Variants in PCDH15 observed in about 807,000 individuals in gnomAD.
The protein encoded by PCDH15 is protocadherin related 15, also known as protocadherin-15.
In PCDH15, 129 loss-of-function variants were observed where a neutral mutation model predicts 178.5. That is an observed-to-expected ratio of 0.72 (90% CI 0.63 to 0.84). The LOEUF (loss-of-function observed/expected upper bound fraction) is 0.84, where lower values mean the gene tolerates loss of function less well. PCDH15 is among the 40% of genes least tolerant of loss of function. PCDH15 has a pLI of 0.00. For missense variants in PCDH15, 2,230 were observed against 2,099.9 expected, an observed-to-expected ratio of 1.06 and a Z score of -1.21; for synonymous variants, 800 against 732.0, an observed-to-expected ratio of 1.09 and a Z score of -1.50.
chr10:55,548,412 T>G (rs1026522754), intron 2 of PCDH15, among the ~76,000 whole-genome samples: 2 of 152,066 alleles, frequency 1.3e-5, no homozygotes, highest in African/African-American at 4.8e-5. Flanking sequence ...CCCAAGGAAT[T>G]TGAGTTCTAT....
intron 2 of PCDH15, among the ~76,000 whole-genome samples, chr10:54,926,927 A>T (rs1706757): frequency 0.13 from 20,339 of 151,638 alleles, 1,546 homozygotes; most frequent in East Asian, 0.23. Context: ...ATTTTTTAAA[A>T]TTTTTTTTTA....
intron 2 of PCDH15, among the ~76,000 whole-genome samples, chr10:54,897,853 G>A (rs980996654): frequency 1.3e-5 from 2 of 151,936 alleles, no homozygotes; most frequent in African/African-American, 4.8e-5. Context: ...GATTTGATAT[G>A]CTAGATATTT....
At chr10:54,211,809 A>T (rs2051471094) in intron 10 of PCDH15, among the ~76,000 whole-genome samples, 1 of 152,118 alleles carries the variant, frequency 6.6e-6, no homozygotes, top group Admixed American at 6.6e-5. Context: ...AGATTGTAGC[A>T]TTTCAATGGT....
chr10:54,380,659 A>C (rs61855475), intron 3 of PCDH15, among the ~76,000 whole-genome samples: 2 of 71,258 alleles, frequency 2.8e-5, no homozygotes, highest in Non-Finnish European at 5.9e-5. Context: ...ATATATATAT[A>C]TATATATATA....
chr10:54,367,758 T>G (rs1947025345), intron 5 of PCDH15, among the ~76,000 whole-genome samples: 1 of 151,830 alleles, frequency 6.6e-6, no homozygotes, highest in African/African-American at 2.4e-5. Context: ...TATACCTATG[T>G]AACAAACCTG....
At chr10:54,128,355 T>G (rs370986023) in intron 15 of PCDH15, among the ~76,000 whole-genome samples, 1 of 152,198 alleles carries the variant, frequency 6.6e-6, no homozygotes, top group Non-Finnish European at 1.5e-5. Flanking sequence ...CAGGCAGGAC[T>G]GATCTCACCT....
intron 2 of PCDH15, among the ~76,000 whole-genome samples, chr10:55,381,548 A>C (rs1285176741): frequency 6.6e-6 from 1 of 152,138 alleles, no homozygotes; most frequent in African/African-American, 2.4e-5. Context: ...TTAAGTCTTT[A>C]TAATTCTACA....
chr10:53,911,697 T>A (rs1338344289), intron 25 of PCDH15, among the ~76,000 whole-genome samples: 1 of 152,114 alleles, frequency 6.6e-6, no homozygotes, highest in Non-Finnish European at 1.5e-5. Context: ...ATTGATAGAC[T>A]GCTAGCAAGA....
chr10:54,185,044 AG>A, intron 12 of PCDH15, 89 bp downstream of exon 12: 1 of 1,469,656 alleles, frequency 6.8e-7, no homozygotes, highest in Non-Finnish European at 9.4e-7. Context: ...TGATTTTTTC[AG>A]TTTTAACCAG....
At chr10:54,528,354 A>T in intron 2 of PCDH15, 2 of 1,541,692 alleles carry the variant, frequency 1.3e-6, no homozygotes, top group Non-Finnish European at 1.8e-6. Context: ...AATGCTCATG[A>T]GGTTGTTTGG....
At chr10:55,058,222 T>C (rs1841351484) in intron 2 of PCDH15, among the ~76,000 whole-genome samples, 2 of 152,172 alleles carry the variant, frequency 1.3e-5, no homozygotes, top group Admixed American at 1.3e-4. Context: ...TTTATTTTAC[T>C]TTATTTGAGA....
At chr10:54,166,583 T>C (rs2046252071) in intron 13 of PCDH15, among the ~76,000 whole-genome samples, 1 of 152,206 alleles carries the variant, frequency 6.6e-6, no homozygotes, top group Non-Finnish European at 1.5e-5. Flanking sequence ...TATTTAAATG[T>C]TTGTTTTTTC....
chr10:54,821,456 A>ATCTT lies in PCDH15; in HGVS notation c.-29+75993_-29+75994insAAGA, dbSNP rs147827990. 3.7e-3 allele frequency among the ~76,000 whole-genome samples: 559 copies of ATCTT among 152,246 alleles called. 1 individual carries two copies. The highest frequency in any genetic ancestry group is 0.013 in the African/African-American group (537 of 41,572). On this transcript the variant is annotated intron_variant, in intron 3 of 5. Transcript: ENST00000458638. The stretch of plus-strand genomic sequence containing the variant: ...AATGTAAAATTAGAAGTAAAAGTGA[A>ATCTT]TATTTAAAATAAGAAAACAAATCAT...
At chr10:55,095,007 A>C (rs1007742131) in intron 2 of PCDH15, among the ~76,000 whole-genome samples, 1 of 150,034 alleles carries the variant, frequency 6.7e-6, no homozygotes, top group Non-Finnish European at 1.5e-5. Flanking sequence ...CTGCAGCCTC[A>C]ACCACCCTGG....
At chr10:53,885,595 A>C (rs2081035239) in intron 26 of PCDH15, among the ~76,000 whole-genome samples, 1 of 152,130 alleles carries the variant, frequency 6.6e-6, no homozygotes, top group Non-Finnish European at 1.5e-5. Flanking sequence ...CAAGCTACAG[A>C]TAACCATTGA....
chr10:55,348,503 C>A (rs1308771182), intron 2 of PCDH15, among the ~76,000 whole-genome samples: 1 of 152,068 alleles, frequency 6.6e-6, no homozygotes, highest in Non-Finnish European at 1.5e-5. Context: ...AGAAAACAAA[C>A]CCCTGCTCAC....
chr10:54,577,851 TGA>T (rs1491353718), intron 2 of PCDH15, among the ~76,000 whole-genome samples: 2 of 7,362 alleles, frequency 2.7e-4, no homozygotes, highest in Admixed American at 2.8e-3. Flanking sequence ...CCTAAATAAA[TGA>T]ATAAATAAAT....
At chr10:55,456,927 C>T (rs1271356680) in intron 2 of PCDH15, among the ~76,000 whole-genome samples, 1 of 152,022 alleles carries the variant, frequency 6.6e-6, no homozygotes, top group African/African-American at 2.4e-5. Context: ...AGAAAGAATG[C>T]TATATTTTCT....
chr10:54,653,534 A>G lies in PCDH15; in HGVS notation c.91+10638T>C, dbSNP rs16906362. Reference sequence around the variant, plus strand: ...GGCTGTTGAGGATATTTTAAAACTTAGGTAATGACTTCTGCTATTGTATAC... The same window carrying G: ...GGCTGTTGAGGATATTTTAAAACTTGGGTAATGACTTCTGCTATTGTATAC... On this transcript the variant is annotated intron_variant, in intron 2 of 37. Coordinates refer to ENST00000644397, the MANE Select transcript of PCDH15 (RefSeq NM_001384140.1). Among the ~76,000 whole-genome samples the G allele has an allele frequency of 2.3e-3, 356 of 152,284 alleles. 1 individual carries two copies. Among genetic ancestry groups the G allele is most frequent in the African/African-American group, 8.3e-3 (346 of 41,562 alleles).
Sources: gnomAD v4.1 joint callset for allele counts (sites outside exome capture counted in the v4.1 genomes callset) on GRCh38, gnomAD v4.1.1 for gene constraint, MANE v1.5 for transcripts, NCBI Gene and HGNC (gene_info 2026-07-23, HGNC 2026-07-21) for gene names.